Variants in CTNNA2 observed in about 807,000 individuals in gnomAD.
CTNNA2 encodes the protein catenin alpha 2.
Under a neutral mutation model 101.0 loss-of-function variants are expected in CTNNA2, and 42 were observed. That is an observed-to-expected ratio of 0.42 (90% CI 0.32 to 0.54). The LOEUF is 0.54. Among genes scored for constraint, CTNNA2 ranks in the 20% least tolerant of loss-of-function variants. The probability of loss-of-function intolerance (pLI) is 0.14; values close to 1 mark genes in which losing one functional copy is unlikely to be tolerated. For missense variants in CTNNA2, 871 were observed against 1,223.1 expected (o/e 0.71, Z 4.29); for synonymous variants, 450 against 456.4 (o/e 0.99, Z 0.18).
intron 7 of CTNNA2, among the ~76,000 whole-genome samples, chr2:80,177,507 G>A (rs1705469426): frequency 2.0e-5 from 3 of 152,158 alleles, no homozygotes. Flanking sequence ...CAGCCTTGGT[G>A]AGTGGAAGTC....
chr2:79,286,763 G>A (rs1469379403), intron 2 of CTNNA2, among the ~76,000 whole-genome samples: 7 of 151,960 alleles, frequency 4.6e-5, no homozygotes, highest in African/African-American at 1.7e-4. Context: ...GAGTATCTTT[G>A]TGGCGTTCTC....
At chr2:80,397,942 G>A (rs941901327) in intron 8 of CTNNA2, among the ~76,000 whole-genome samples, 4 of 152,158 alleles carry the variant, frequency 2.6e-5, no homozygotes, top group East Asian at 3.9e-4. Context: ...ACATAAATAC[G>A]TAGAAGTGCT....
intron 4 of CTNNA2, among the ~76,000 whole-genome samples, chr2:79,859,654 A>G (rs554426710): frequency 6.6e-6 from 1 of 151,606 alleles, no homozygotes; most frequent in East Asian, 1.9e-4. Flanking sequence ...CCTCCTTAGG[A>G]ATGTTTCAGG....
chr2:80,026,530 A>G lies in CTNNA2; in HGVS notation c.1056+116733A>G, dbSNP rs187149260. Among the ~76,000 whole-genome samples, 398 of 152,332 alleles carry G rather than the reference A, an allele frequency of 2.6e-3. 3 individuals are homozygous for G. Among genetic ancestry groups the G allele is most frequent in the African/African-American group, 9.2e-3 (382 of 41,572 alleles). ...TTGGTGAACAGAGAGGCCTGCAGCA[A>G]AAGAGTTAAGAGATACTTTCTACTC... On this transcript the variant is annotated intron_variant, in intron 7 of 18. Transcript: ENST00000402739.
chr2:79,593,910 T>C (rs1262556622), intron 1 of CTNNA2, among the ~76,000 whole-genome samples: 1 of 94,118 alleles, frequency 1.1e-5, no homozygotes, highest in Non-Finnish European at 2.4e-5. Flanking sequence ...TTTTTTGAGA[T>C]GGAGTCTTGC....
chr2:80,549,053 TG>T (rs1250790942), intron 11 of CTNNA2, among the ~76,000 whole-genome samples: 12 of 152,286 alleles, frequency 7.9e-5, no homozygotes, highest in African/African-American at 1.4e-4. Flanking sequence ...GCAACAAGTT[TG>T]GGGAGCAATG....
intron 2 of CTNNA2, among the ~76,000 whole-genome samples, chr2:79,676,936 CT>C (rs1436720803): frequency 2.0e-5 from 3 of 152,058 alleles, no homozygotes; most frequent in African/African-American, 7.2e-5. Flanking sequence ...TGCTATTCCC[CT>C]GTCATCCTCA....
At chr2:79,403,298 A>G (rs1196778834) in intron 4 of CTNNA2, among the ~76,000 whole-genome samples, 2 of 151,942 alleles carry the variant, frequency 1.3e-5, no homozygotes, top group Non-Finnish European at 2.9e-5. Context: ...ATGAGATTGG[A>G]AGAAGATATT....
intron 7 of CTNNA2, among the ~76,000 whole-genome samples, chr2:80,148,250 A>G (rs1413006123): frequency 6.6e-6 from 1 of 152,236 alleles, no homozygotes; most frequent in Admixed American, 6.5e-5. Flanking sequence ...AAAGTTAGCC[A>G]GTCTTGTCTG....
At chr2:80,449,768 T>C (rs1683351020) in intron 9 of CTNNA2, among the ~76,000 whole-genome samples, 1 of 152,198 alleles carries the variant, frequency 6.6e-6, no homozygotes, top group Admixed American at 6.5e-5. Flanking sequence ...GTCACTAGGT[T>C]CTGGGGGCCA....
At chr2:79,938,223 C>T (rs1349487281) in intron 7 of CTNNA2, among the ~76,000 whole-genome samples, 18 of 152,064 alleles carry the variant, frequency 1.2e-4, no homozygotes, top group Admixed American at 9.2e-4. Context: ...CAAATGAGCC[C>T]TTTGTTTTTA....
At chr2:80,527,616 G>T (rs886993728) in intron 9 of CTNNA2, among the ~76,000 whole-genome samples, 18 of 152,282 alleles carry the variant, frequency 1.2e-4, no homozygotes, top group Admixed American at 1.0e-3. Context: ...TGAAATGTAG[G>T]TTTAGCAAGC....
At chr2:79,476,280 A>G (rs1487315730) in intron 4 of CTNNA2, among the ~76,000 whole-genome samples, 1 of 152,174 alleles carries the variant, frequency 6.6e-6, no homozygotes, top group Non-Finnish European at 1.5e-5. Context: ...AGAATCAGGT[A>G]GAGCCAGCAT....
intron 6 of CTNNA2, among the ~76,000 whole-genome samples, chr2:79,893,652 C>T (rs1037491724): frequency 3.9e-5 from 6 of 152,056 alleles, no homozygotes; most frequent in Admixed American, 6.6e-5. Context: ...AGGTATAAAT[C>T]ATATGTATCA....
At chr2:79,483,549 G>A (rs2104558181) in intron 4 of CTNNA2, among the ~76,000 whole-genome samples, 1 of 151,968 alleles carries the variant, frequency 6.6e-6, no homozygotes, top group Non-Finnish European at 1.5e-5. Context: ...GGTGGACCGA[G>A]GGCCTCATCT....
chr2:79,679,970 C>T (rs146439385), intron 2 of CTNNA2, among the ~76,000 whole-genome samples: 3 of 152,266 alleles, frequency 2.0e-5, no homozygotes, highest in Admixed American at 2.0e-4. Flanking sequence ...CTTGGGGATT[C>T]CTCCAGGTAT....
At chr2:80,444,011 G>T (rs1682847644) in intron 9 of CTNNA2, among the ~76,000 whole-genome samples, 6 of 152,134 alleles carry the variant, frequency 3.9e-5, no homozygotes, top group Admixed American at 3.9e-4. Flanking sequence ...ATTTTGTAAG[G>T]TCTGCTATTT....
intron 6 of CTNNA2, among the ~76,000 whole-genome samples, chr2:79,888,423 T>C (rs917077145): frequency 5.3e-5 from 8 of 152,226 alleles, no homozygotes; most frequent in African/African-American, 1.7e-4. Context: ...AAACAGCTTT[T>C]CTTTCCTAAG....
chr2:80,473,401 G>A (rs550806897), intron 9 of CTNNA2, among the ~76,000 whole-genome samples: 1 of 152,234 alleles, frequency 6.6e-6, no homozygotes, highest in East Asian at 1.9e-4. Context: ...CTAAAATGTC[G>A]ATTTTCTTTG....
Sources: allele counts gnomAD v4.1 joint callset (sites outside exome capture counted in the v4.1 genomes callset), GRCh38; gene constraint gnomAD v4.1.1; transcripts MANE v1.5; gene names NCBI Gene and HGNC (gene_info 2026-07-23, HGNC 2026-07-21).